KIAA1549L: variants seen among roughly 807,000 people sequenced by gnomAD.
KIAA1549L encodes the protein KIAA1549 like.
KIAA1549L carries 88 observed loss-of-function variants against 160.7 expected under a neutral mutation model. The observed-to-expected ratio is 0.55, with a 90% confidence interval of 0.46 to 0.65. The LOEUF (loss-of-function observed/expected upper bound fraction) is 0.65, where lower values mean the gene tolerates loss of function less well. KIAA1549L is among the 30% of genes least tolerant of loss of function. KIAA1549L has a pLI of 0.00. For missense variants in KIAA1549L, 2,258 were observed against 2,437.5 expected, an observed-to-expected ratio of 0.93 and a Z score of 1.55; for synonymous variants, 950 against 976.7, an observed-to-expected ratio of 0.97 and a Z score of 0.51.
At chr11:33,439,934 A>G (rs1027108247) in intron 1 of KIAA1549L, among the ~76,000 whole-genome samples, 1 of 151,986 alleles carries the variant, frequency 6.6e-6, no homozygotes, top group Non-Finnish European at 1.5e-5. Context: ...TTTAAACTAT[A>G]TTCTGAGAGT....
In KIAA1549L at chr11:33,660,967, A is replaced by G. The variant is rs770858998; in HGVS notation, c.6112A>G (p.Met2038Val). 2 of 1,612,592 alleles carry G rather than the reference A, an allele frequency of 1.2e-6. No individual in the cohort carries two copies. The highest frequency in any genetic ancestry group is 1.7e-6 in the Non-Finnish European group (2 of 1,179,342). ...PPSSYRNQAW[M>V]SYAGENELPS... ...CTCATCCTATAGGAACCAGGCCTGG[A>G]TGTCCTATGCAGGAGAGAATGAGCT... The change falls in exon 20 of 21, where the codon ATG becomes GTG. Residue 2038 changes from methionine to valine, a missense_variant. By Grantham distance (21) the Met-to-Val change is conservative. Around this residue, in one of 6 missense-constraint regions of KIAA1549L, gnomAD observed 1,359 missense variants for 1,546.6 expected, o/e 0.88. Transcript: ENST00000658780.
At chr11:33,523,479 T>G (rs922079778) in intron 1 of KIAA1549L, among the ~76,000 whole-genome samples, 2 of 152,260 alleles carry the variant, frequency 1.3e-5, no homozygotes, top group Non-Finnish European at 2.9e-5. Context: ...TTTTAGAGAA[T>G]GTCAGGTTAT....
chr11:33,384,494 C>CAA (rs1344738036), intron 1 of KIAA1549L, among the ~76,000 whole-genome samples: 1 of 152,068 alleles, frequency 6.6e-6, no homozygotes, highest in Non-Finnish European at 1.5e-5. Context: ...GGACGTATTT[C>CAA]ATCTTATAAG....
In KIAA1549L at chr11:33,414,921, A is replaced by G. The variant is rs151319529; in HGVS notation, c.238+38032A>G. On this transcript the variant is annotated intron_variant, in intron 1 of 20. Transcript: ENST00000658780. ...ATCGTTTTGATGTCAGGACCTCTTTATAGAGCCATAATACTGTCTTTATCA... is the reference window on the plus strand; with the variant it reads ...ATCGTTTTGATGTCAGGACCTCTTTGTAGAGCCATAATACTGTCTTTATCA... Among the ~76,000 whole-genome samples, 6 of 152,196 alleles carry G rather than the reference A, an allele frequency of 3.9e-5. No individual in the cohort carries two copies. In the East Asian group the frequency reaches 1.2e-3, roughly 29 times the overall value.
At chr11:33,575,634 G>T (rs1478867846) in intron 10 of KIAA1549L, among the ~76,000 whole-genome samples, 2 of 152,170 alleles carry the variant, frequency 1.3e-5, no homozygotes, top group African/African-American at 4.8e-5. Flanking sequence ...AGATCTGTCT[G>T]ACTTTGAACC....
At chr11:33,423,183 CTT>C (rs1213051496) in intron 1 of KIAA1549L, among the ~76,000 whole-genome samples, 1 of 152,094 alleles carries the variant, frequency 6.6e-6, no homozygotes, top group Non-Finnish European at 1.5e-5. Context: ...CTCATACTAA[CTT>C]GTTGTAACAT....
chr11:33,454,815 C>A (rs952903444), intron 1 of KIAA1549L, among the ~76,000 whole-genome samples: 16 of 152,118 alleles, frequency 1.1e-4, no homozygotes, highest in African/African-American at 3.6e-4. Flanking sequence ...GGTGGCTGGG[C>A]GCGGTGGCTC....
intron 1 of KIAA1549L, among the ~76,000 whole-genome samples, chr11:33,502,642 A>G (rs1852978917): frequency 6.6e-6 from 1 of 152,244 alleles, no homozygotes; most frequent in Non-Finnish European, 1.5e-5. Flanking sequence ...AACAAATGCC[A>G]AATACAGGTA....
rs181330024 is a variant in KIAA1549L at position 33,504,445 on chromosome 11, C to G, written c.239-37357C>G. 7.4e-3 allele frequency among the ~76,000 whole-genome samples: 1,117 copies of G among 151,716 alleles called. 7 individuals are homozygous for G. The highest frequency in any genetic ancestry group is 0.011 in the South Asian group (54 of 4,804). The stretch of plus-strand genomic sequence containing the variant: ...ATCATTGCAGATTTCCCTTCCCTTC[C>G]CTTCCCTTCCCTTCCCTTTCCCTTT... On this transcript the variant is annotated intron_variant, in intron 1 of 20. Coordinates refer to ENST00000658780, the MANE Select transcript of KIAA1549L (RefSeq NM_012194.3).
intron 1 of KIAA1549L, among the ~76,000 whole-genome samples, chr11:33,497,765 A>G (rs771610534): frequency 8.5e-5 from 13 of 152,252 alleles, no homozygotes; most frequent in Non-Finnish European, 1.3e-4. Flanking sequence ...TTTCTTCAGA[A>G]TTACCACTAA....
rs532400998 is a variant in KIAA1549L, at chr11:33,640,200, A to G, written c.5410-5486A>G. Among the ~76,000 whole-genome samples, 35 of 152,286 alleles carry G rather than the reference A, an allele frequency of 2.3e-4. No individual in the cohort carries two copies. The East Asian group carries it at 6.2e-3, about 27-fold the overall frequency. ...GTGTATGTATTCTGTTTATAAAATC[A>G]TGACCCAAACAGCTCAGTCTGAGAG... On this transcript the variant is annotated intron_variant, in intron 16 of 20. Coordinates refer to ENST00000658780, the MANE Select transcript of KIAA1549L (RefSeq NM_012194.3).
At chr11:33,411,117 C>G (rs965130838) in intron 1 of KIAA1549L, among the ~76,000 whole-genome samples, 1 of 152,118 alleles carries the variant, frequency 6.6e-6, no homozygotes, top group African/African-American at 2.4e-5. Flanking sequence ...CAGGTGTTCC[C>G]AAATGCTGGT....
chr11:33,542,215 C>G lies in KIAA1549L; in HGVS notation c.652C>G (p.Pro218Ala), dbSNP rs1176129983. 3.0e-6 allele frequency: 2 copies of G among 658,140 alleles called. No homozygotes were observed. Among genetic ancestry groups the G allele is most frequent in the Admixed American group, 4.1e-5 (2 of 48,480 alleles). 40.8% of individuals were successfully genotyped at this position (658,140 alleles called of 1,614,324 possible). ...VPSGTSFSAV[P>A]PSQPVWAGTS... ...ATCAGGGACATCCTTCAGTGCTGTC[C>G]CCCCATCCCAGCCAGTATGGGCAGG... Residue 218 changes from proline (P) to alanine (A), a missense_variant, in exon 2 of 21, where the codon CCC becomes GCC. By Grantham distance (27) the Pro-to-Ala change is conservative. Coordinates refer to ENST00000658780, the MANE Select transcript of KIAA1549L (RefSeq NM_012194.3).
intron 1 of KIAA1549L, among the ~76,000 whole-genome samples, chr11:33,479,612 C>T (rs761771670): frequency 2.6e-5 from 4 of 152,046 alleles, no homozygotes; most frequent in South Asian, 2.1e-4. Context: ...AAAGTGGCAT[C>T]GGAGAATAAG....
At chr11:33,570,591 A>C (rs1371020409) in intron 9 of KIAA1549L, among the ~76,000 whole-genome samples, 4 of 152,062 alleles carry the variant, frequency 2.6e-5, no homozygotes, top group Non-Finnish European at 4.4e-5. Flanking sequence ...AGTTTCCCCC[A>C]AAAAATTCAC....
At chr11:33,656,148 G>A in intron 18 of KIAA1549L, 39 bp downstream of exon 18, 1 of 1,508,326 alleles carries the variant, frequency 6.6e-7, no homozygotes, top group East Asian at 2.3e-5. Flanking sequence ...GGAATATTTG[G>A]AAAAGGGTCA....
chr11:33,391,173 A>G (rs941872010), intron 1 of KIAA1549L, among the ~76,000 whole-genome samples: 2 of 152,250 alleles, frequency 1.3e-5, no homozygotes, highest in African/African-American at 4.8e-5. Flanking sequence ...TTTATAAAAA[A>G]TTGCAATTTC....
intron 17 of KIAA1549L, among the ~76,000 whole-genome samples, chr11:33,652,724 G>T (rs1235491782): frequency 6.6e-6 from 1 of 152,220 alleles, no homozygotes; most frequent in Non-Finnish European, 1.5e-5. Context: ...GCCTCACTTG[G>T]TTTATTGATA....
chr11:33,551,102 G>T lies in KIAA1549L; in HGVS notation c.3564G>T (p.Leu1188Phe). The change falls in exon 5 of 21, where the codon TTG becomes TTT. Residue 1188 changes from leucine (L) to phenylalanine (F), a missense_variant. Transcript: ENST00000658780. ...TVGYYATKGKLVYLPAVVIEM... is the reference protein window; with the variant it reads ...TVGYYATKGKFVYLPAVVIEM... Reference sequence around the variant, plus strand: ...GTTATTATGCTACCAAAGGGAAGTTGGTGTATTTGCCTGCTGTGGTGATCG... The same window carrying T: ...GTTATTATGCTACCAAAGGGAAGTTTGTGTATTTGCCTGCTGTGGTGATCG... 6.2e-7 allele frequency: 1 copy of T among 1,613,962 alleles called. No individual in the cohort carries two copies. The highest frequency in any genetic ancestry group is 8.5e-7 in the Non-Finnish European group (1 of 1,179,864).
Sources: gnomAD v4.1 joint callset for allele counts (sites outside exome capture counted in the v4.1 genomes callset) on GRCh38, gnomAD v4.1.1 for gene constraint, gnomAD v4.1.1 regional missense constraint, MANE v1.5 for transcripts, NCBI Gene and HGNC (gene_info 2026-07-23, HGNC 2026-07-21) for gene names.